The following MAST4 variants were observed in gnomAD, a reference collection of about 807,000 sequenced individuals.
MAST4 encodes the protein microtubule-associated serine/threonine-protein kinase 4.
Under a neutral mutation model 162.7 loss-of-function variants are expected in MAST4, and 89 were observed. That is an observed-to-expected ratio of 0.55 (90% CI 0.46 to 0.65). The LOEUF (loss-of-function observed/expected upper bound fraction) is 0.65. Among genes scored for constraint, MAST4 ranks in the 30% least tolerant of loss-of-function variants. The probability of loss-of-function intolerance (pLI) is 0.00; values close to 1 mark genes in which losing one functional copy is unlikely to be tolerated. For missense variants in MAST4, 3,153 were observed against 3,374.0 expected (o/e 0.93, Z 1.62); for synonymous variants, 1,479 against 1,361.1 (o/e 1.09, Z -1.91).
At chr5:66,914,700 T>C (rs1006698642) in intron 4 of MAST4, among the ~76,000 whole-genome samples, 3 of 152,168 alleles carry the variant, frequency 2.0e-5, no homozygotes, top group African/African-American at 7.2e-5. Flanking sequence ...GAAGGTCAGT[T>C]ATACACTTGA....
chr5:66,669,232 G>A (rs141320024), intron 1 of MAST4, among the ~76,000 whole-genome samples: 248 of 152,302 alleles, frequency 1.6e-3, no homozygotes, highest in Admixed American at 6.9e-3. Flanking sequence ...CTAGGTGGAT[G>A]TGCTCTGGGG....
At chr5:66,844,308 C>G (rs1402938646) in intron 3 of MAST4, among the ~76,000 whole-genome samples, 1 of 151,942 alleles carries the variant, frequency 6.6e-6, no homozygotes, top group Non-Finnish European at 1.5e-5. Context: ...GAAATGCAGG[C>G]ACACATTTAT....
chr5:67,133,476 A>G, intron 16 of MAST4, 38 bp from the exon 17 acceptor site: 1 of 1,607,124 alleles, frequency 6.2e-7, no homozygotes, highest in Non-Finnish European at 8.5e-7. Context: ...ACCAGCTTAT[A>G]AAGTGATTAT....
At chr5:66,620,047 CTTTTTTT>C (rs200969306) in intron 1 of MAST4, among the ~76,000 whole-genome samples, 7 of 133,844 alleles carry the variant, frequency 5.2e-5, no homozygotes, top group Non-Finnish European at 4.8e-5. Flanking sequence ...ACTTAGGTTG[CTTTTTTT>C]TTTTTTTTTT....
chr5:67,089,593 G>C (rs1763613657), intron 5 of MAST4, among the ~76,000 whole-genome samples: 1 of 152,194 alleles, frequency 6.6e-6, no homozygotes, highest in Admixed American at 6.5e-5. Flanking sequence ...CTGGGTCATT[G>C]AGAAATAGGT....
chr5:66,788,605 C>CCCCAACCAAAAAAAAAAAAAAAA, intron 2 of MAST4, 65 bp from the exon 3 acceptor site: 1 of 1,344,526 alleles, frequency 7.4e-7, no homozygotes, highest in Non-Finnish European at 1.0e-6. Context: ...CACCCCCACC[C>CCCCAACCAAAAAAAAAAAAAAAA]CCATTGCAAT....
intron 16 of MAST4, among the ~76,000 whole-genome samples, 192 bp from the exon 17 acceptor site, chr5:67,133,322 A>C (rs1236013483): frequency 6.6e-6 from 1 of 152,130 alleles, no homozygotes; most frequent in Non-Finnish European, 1.5e-5. Flanking sequence ...TCCCTTGTGA[A>C]TTACACTCAG....
intron 3 of MAST4, among the ~76,000 whole-genome samples, chr5:66,888,706 G>A (rs1375462862): frequency 6.6e-6 from 1 of 152,212 alleles, no homozygotes; most frequent in Non-Finnish European, 1.5e-5. Flanking sequence ...ATGGGTCCTG[G>A]AAAGCCCTGT....
At chr5:66,923,522 G>A (rs1764681956) in intron 4 of MAST4, among the ~76,000 whole-genome samples, 2 of 152,222 alleles carry the variant, frequency 1.3e-5, no homozygotes, top group Admixed American at 6.5e-5. Context: ...AGTGCTTTCT[G>A]TAGGTAGAAG....
chr5:66,992,336 C>G (rs1435299843), intron 4 of MAST4, among the ~76,000 whole-genome samples: 2 of 152,110 alleles, frequency 1.3e-5, no homozygotes, highest in Non-Finnish European at 2.9e-5. Context: ...ATGTCCTTTT[C>G]AGTGTTTCGC....
At chr5:66,753,098 A>G (rs866248237) in intron 1 of MAST4, among the ~76,000 whole-genome samples, 7 of 151,872 alleles carry the variant, frequency 4.6e-5, no homozygotes, top group Admixed American at 2.0e-4. Flanking sequence ...GTTCTTTGAA[A>G]CCAACGAGAA....
intron 1 of MAST4, among the ~76,000 whole-genome samples, chr5:66,696,198 T>G (rs1199047376): frequency 6.6e-6 from 1 of 152,038 alleles, no homozygotes; most frequent in Non-Finnish European, 1.5e-5. Context: ...CTGGGGCCTG[T>G]TGGGGCGGAG....
rs189423336 is a variant in MAST4, at chr5:66,899,079, C to T, written c.643-872C>T. Among the ~76,000 whole-genome samples the T allele has an allele frequency of 7.5e-4, 114 of 152,270 alleles. 1 individual carries two copies. Among genetic ancestry groups the T allele is most frequent in the African/African-American group, 2.6e-3 (106 of 41,552 alleles). ...TGAATAACCAAATTTAGTCATAATG[C>T]GCTTCATTTTGAGTTTAAATAGCCA... On this transcript the variant is annotated intron_variant, in intron 3 of 28. Transcript: ENST00000403625.
At chr5:66,860,781 A>C (rs1272367802) in intron 3 of MAST4, among the ~76,000 whole-genome samples, 1 of 152,002 alleles carries the variant, frequency 6.6e-6, no homozygotes. Flanking sequence ...AAAAAAAAAA[A>C]AAAAACAAAC....
At chr5:66,740,469 A>G (rs1306438883) in intron 1 of MAST4, among the ~76,000 whole-genome samples, 1 of 152,106 alleles carries the variant, frequency 6.6e-6, no homozygotes, top group African/African-American at 2.4e-5. Context: ...ATTAACCATC[A>G]TCTCCCAGAA....
At chr5:66,977,431 C>A (rs2150224610) in intron 4 of MAST4, among the ~76,000 whole-genome samples, 1 of 152,248 alleles carries the variant, frequency 6.6e-6, no homozygotes, top group Middle Eastern at 3.4e-3. Context: ...CCCACATGAT[C>A]TCTTGATTGA....
At chr5:67,001,422 C>A (rs1751279310) in intron 4 of MAST4, 3 of 151,516 alleles carry the variant, frequency 2.0e-5, no homozygotes, top group Admixed American at 6.6e-5. Context: ...TTGGATACAA[C>A]CCAAATCCTC....
In MAST4 at chr5:66,879,140, G is replaced by A. The variant is rs536250392; in HGVS notation, c.643-20811G>A. Among the ~76,000 whole-genome samples, 216 of 152,154 alleles carry A rather than the reference G, an allele frequency of 1.4e-3. 2 individuals are homozygous for A. In the Middle Eastern group the frequency reaches 0.02, roughly 14 times the overall value. On this transcript the variant is annotated intron_variant, in intron 3 of 28. Coordinates refer to ENST00000403625, the MANE Select transcript of MAST4 (RefSeq NM_001164664.2). ...TAAAAATACAAAAAATTAGCTGGGC[G>A]TGGTGGCGGGTGCCTGTAGTTCCAG... is the stretch of plus-strand genomic sequence containing the variant.
At chr5:67,094,251 C>A in intron 6 of MAST4, 1 of 882,250 alleles carries the variant, frequency 1.1e-6, no homozygotes, top group Non-Finnish European at 1.7e-6. Flanking sequence ...GGACCATTTG[C>A]ATTTATTGGA....
Sources: allele counts gnomAD v4.1 joint callset (sites outside exome capture counted in the v4.1 genomes callset), GRCh38; gene constraint gnomAD v4.1.1; transcripts MANE v1.5; gene names NCBI Gene and HGNC (gene_info 2026-07-23, HGNC 2026-07-21).